MYO16: variants seen among roughly 807,000 people sequenced by gnomAD.
MYO16 encodes the protein unconventional myosin-XVI.
MYO16 carries 94 observed loss-of-function variants against 205.3 expected under a neutral mutation model. The ratio of observed to expected loss-of-function variants is 0.46; its 90% CI spans 0.39 to 0.54. The LOEUF is 0.54. Ranked by LOEUF, MYO16 falls within the 20% of genes least tolerant of loss-of-function variation. The pLI, the probability that MYO16 is intolerant of heterozygous loss-of-function variation, is 0.00. For missense variants in MYO16, 2,315 were observed against 2,387.5 expected (o/e 0.97, Z 0.63); for synonymous variants, 988 against 954.0 (o/e 1.04, Z -0.66).
At chr13:108,927,354 G>A (rs910247515) in intron 16 of MYO16, among the ~76,000 whole-genome samples, 9 of 152,080 alleles carry the variant, frequency 5.9e-5, no homozygotes, top group South Asian at 2.1e-4. Flanking sequence ...ATCCCTTGGC[G>A]AGTGTCATAC....
At chr13:108,919,992 C>A (rs1881668414) in intron 16 of MYO16, among the ~76,000 whole-genome samples, 1 of 152,210 alleles carries the variant, frequency 6.6e-6, no homozygotes, top group South Asian at 2.1e-4. Context: ...CTGCTTCAAA[C>A]CTACCAAGGA....
the MYO16 span, among the ~76,000 whole-genome samples, chr13:108,585,635 G>A: frequency 3.3e-5 from 5 of 152,130 alleles, no homozygotes; most frequent in Non-Finnish European, 7.3e-5. Flanking sequence ...ACTTTGCAGG[G>A]CAATTTCAAG....
At chr13:109,087,856 A>C (rs1295193037) in intron 27 of MYO16, among the ~76,000 whole-genome samples, 1 of 152,180 alleles carries the variant, frequency 6.6e-6, no homozygotes, top group African/African-American at 2.4e-5. Flanking sequence ...GAATGGGATA[A>C]TTTTACTTAA....
At chr13:108,805,867 C>G (rs182808362) in intron 6 of MYO16, among the ~76,000 whole-genome samples, 3 of 151,164 alleles carry the variant, frequency 2.0e-5, no homozygotes, top group Admixed American at 2.0e-4. Context: ...ATTGCTTGAC[C>G]CCAGGAGTTC....
chr13:108,834,367 C>G (rs1876783044), intron 9 of MYO16, among the ~76,000 whole-genome samples: 1 of 152,114 alleles, frequency 6.6e-6, no homozygotes, highest in South Asian at 2.1e-4. Flanking sequence ...GGATGACTCC[C>G]AGGTCATAAA....
intron 1 of MYO16, among the ~76,000 whole-genome samples, chr13:108,642,234 A>G (rs1039495123): frequency 6.6e-6 from 1 of 152,108 alleles, no homozygotes; most frequent in African/African-American, 2.4e-5. Context: ...ACTGCAGGAG[A>G]CAGTGCAGGT....
chr13:109,003,887 A>G (rs1347764668), intron 21 of MYO16, among the ~76,000 whole-genome samples: 1 of 152,250 alleles, frequency 6.6e-6, no homozygotes, highest in Non-Finnish European at 1.5e-5. Flanking sequence ...TTCTGAATGC[A>G]AAATAACAAA....
chr13:108,713,381 A>G (rs1224703672), intron 3 of MYO16, among the ~76,000 whole-genome samples: 1 of 152,228 alleles, frequency 6.6e-6, no homozygotes, highest in African/African-American at 2.4e-5. Flanking sequence ...ATTGTCTCTC[A>G]AGACAAAAAG....
Position 109,052,413 on chromosome 13 carries a change from A to T in MYO16, c.2986A>T (p.Ser996Cys), listed in dbSNP as rs760826949. ...CCGAGGACATAAGTCTGCCCTGCTC[A>T]GTAAGAAAATGACAGCTTCTTCAAT... The part of the protein sequence containing the change: ...KFRGHKSALL[S>C]KKMTASSIIG... The change falls in exon 25 of 35, where the codon AGT becomes TGT. Residue 996 changes from serine to cysteine, a missense_variant. Around this residue, in one of 3 missense-constraint regions of MYO16, gnomAD observed 1,213 missense variants for 1,274.4 expected, o/e 0.95. Coordinates refer to ENST00000457511, the MANE Select transcript of MYO16 (RefSeq NM_001198950.3). 1.3e-5 allele frequency: 21 copies of T among 1,612,584 alleles called. No homozygotes were observed. The South Asian group carries it at 2.2e-4, about 17-fold the overall frequency.
intron 29 of MYO16, among the ~76,000 whole-genome samples, chr13:109,124,098 T>C (rs999043873): frequency 1.3e-5 from 2 of 152,208 alleles, no homozygotes; most frequent in Non-Finnish European, 2.9e-5. Flanking sequence ...TGTGCTGGCC[T>C]TGTACACACT....
At chr13:109,152,738 C>G (rs1877744995) in intron 32 of MYO16, among the ~76,000 whole-genome samples, 1 of 152,170 alleles carries the variant, frequency 6.6e-6, no homozygotes, top group African/African-American at 2.4e-5. Context: ...TACCCTATGG[C>G]ATGCCTCCGG....
Position 108,964,035 on chromosome 13 carries a change from C to T in MYO16, c.2228-726C>T, listed in dbSNP as rs373000502. 2.0e-5 allele frequency among the ~76,000 whole-genome samples: 3 copies of T among 152,316 alleles called. No individual in the cohort carries two copies. The East Asian group carries it at 5.8e-4, about 29-fold the overall frequency. On this transcript the variant is annotated intron_variant, in intron 19 of 34. Coordinates refer to ENST00000457511, the MANE Select transcript of MYO16 (RefSeq NM_001198950.3). ...CTAACAGATTGGAAACACCTCAACCCGCATTGCACGTGGACCCCGCCCTGT... is the reference window on the plus strand; with the variant it reads ...CTAACAGATTGGAAACACCTCAACCTGCATTGCACGTGGACCCCGCCCTGT...
Position 108,995,756 on chromosome 13 carries a change from A to G in MYO16, c.2442+3308A>G, listed in dbSNP as rs534279246. 1.5e-3 allele frequency among the ~76,000 whole-genome samples: 228 copies of G among 152,314 alleles called. 1 individual carries two copies. The highest frequency in any genetic ancestry group is 3.4e-3 in the Middle Eastern group (1 of 294). ...TTTCCAGCTTCATCCATGTCCCTAC[A>G]AAGGACATGAACTCATCATTTTTTA... On this transcript the variant is annotated intron_variant, in intron 21 of 34. Transcript: ENST00000457511.
At chr13:108,974,847 T>C (rs1884193225) in intron 20 of MYO16, among the ~76,000 whole-genome samples, 1 of 152,172 alleles carries the variant, frequency 6.6e-6, no homozygotes, top group Non-Finnish European at 1.5e-5. Context: ...ACCAGAACTT[T>C]GTTTATAAAA....
intron 2 of MYO16, among the ~76,000 whole-genome samples, chr13:108,697,898 T>A (rs1325227278): frequency 6.6e-6 from 1 of 152,080 alleles, no homozygotes; most frequent in Non-Finnish European, 1.5e-5. Context: ...AATTTTTGTA[T>A]TTTTAGTACA....
the MYO16 span, among the ~76,000 whole-genome samples, chr13:108,571,350 T>C: frequency 6.6e-6 from 1 of 151,088 alleles, no homozygotes; most frequent in African/African-American, 2.4e-5. Flanking sequence ...CCTTTGAGAA[T>C]AGAAAAAATA....
At chr13:108,711,708 A>G (rs368537290) in intron 2 of MYO16, among the ~76,000 whole-genome samples, 5 of 152,384 alleles carry the variant, frequency 3.3e-5, no homozygotes, top group African/African-American at 9.6e-5. Flanking sequence ...GCCATAGGAA[A>G]GAAGGCCCCT....
At chr13:108,980,617 C>A (rs9514950) in intron 20 of MYO16, among the ~76,000 whole-genome samples, 1 of 152,096 alleles carries the variant, frequency 6.6e-6, no homozygotes. Flanking sequence ...TTGCCTTTTT[C>A]GAATGTAATT....
chr13:108,538,826 T>C, the MYO16 span, among the ~76,000 whole-genome samples: 3 of 152,080 alleles, frequency 2.0e-5, no homozygotes, highest in Non-Finnish European at 4.4e-5. Flanking sequence ...TAACATAAAG[T>C]TAGTTTTTGT....
Sources: allele counts gnomAD v4.1 joint callset (sites outside exome capture counted in the v4.1 genomes callset), GRCh38; gene constraint gnomAD v4.1.1; regional missense constraint gnomAD v4.1.1; transcripts MANE v1.5; gene names NCBI Gene and HGNC (gene_info 2026-07-23, HGNC 2026-07-21).